Variants in SGMS1 observed in about 807,000 individuals in gnomAD.
The protein encoded by SGMS1 is phosphatidylcholine:ceramide cholinephosphotransferase 1.
SGMS1 carries 13 observed loss-of-function variants against 46.2 expected under a neutral mutation model. The ratio of observed to expected loss-of-function variants is 0.28; its 90% CI spans 0.18 to 0.45. The LOEUF is 0.45. SGMS1 is among the 20% of genes least tolerant of loss of function. SGMS1 has a pLI of 1.00. For missense variants in SGMS1, 324 were observed against 519.9 expected (o/e 0.62, Z 3.66); for synonymous variants, 203 against 187.8 (o/e 1.08, Z -0.66).
intron 3 of SGMS1, among the ~76,000 whole-genome samples, chr10:50,471,799 A>T (rs1467848739): frequency 6.6e-6 from 1 of 152,184 alleles, no homozygotes; most frequent in Non-Finnish European, 1.5e-5. Context: ...CCTCCAGTAG[A>T]GCATTACTAA....
chr10:50,384,654 T>C (rs1848656405), intron 6 of SGMS1, among the ~76,000 whole-genome samples: 1 of 152,130 alleles, frequency 6.6e-6, no homozygotes, highest in Non-Finnish European at 1.5e-5. Flanking sequence ...CTCACTCTGT[T>C]GCCCAGCCTG....
intron 3 of SGMS1, among the ~76,000 whole-genome samples, chr10:50,483,652 TC>T (rs1387601252): frequency 6.6e-6 from 1 of 151,918 alleles, no homozygotes; most frequent in African/African-American, 2.4e-5. Flanking sequence ...AGTAAAACAC[TC>T]CTCAGCAAAT....
At chr10:50,532,019 T>A (rs547550781) in intron 2 of SGMS1, among the ~76,000 whole-genome samples, 1 of 152,188 alleles carries the variant, frequency 6.6e-6, no homozygotes, top group Admixed American at 6.5e-5. Flanking sequence ...GGCCCTTGAA[T>A]AACACTGTTT....
chr10:50,469,461 G>T (rs1256342016), intron 3 of SGMS1, among the ~76,000 whole-genome samples: 13 of 152,134 alleles, frequency 8.5e-5, no homozygotes. Flanking sequence ...TTTTTCAGTG[G>T]ACATATGCCA....
intron 6 of SGMS1, among the ~76,000 whole-genome samples, chr10:50,429,348 T>C (rs141553531): frequency 6.0e-4 from 91 of 152,310 alleles, no homozygotes; most frequent in African/African-American, 2.1e-3. Flanking sequence ...CAACATGCTA[T>C]ACAGGTTTGC....
rs139371300 is a variant in SGMS1, at chr10:50,330,177, G to C, written c.624-2855C>G. ...GATCTAAAATTCTGAAGAAAGGTCA[G>C]GCATGGTGACTCACGCCTGTAATCC... On this transcript the variant is annotated intron_variant, in intron 7 of 10. Coordinates refer to ENST00000361781, the MANE Select transcript of SGMS1 (RefSeq NM_147156.4). Among the ~76,000 whole-genome samples the C allele has an allele frequency of 3.3e-4, 50 of 152,220 alleles. No homozygotes were observed. In the East Asian group the frequency reaches 8.5e-3, roughly 26 times the overall value.
At chr10:50,458,339 C>CTTT (rs750349777) in intron 5 of SGMS1, among the ~76,000 whole-genome samples, 6,236 of 96,276 alleles carry the variant, frequency 0.065, 464 homozygotes, top group Non-Finnish European at 0.088. Context: ...TTCTTTTTCT[C>CTTT]TTTTTTTTTT....
At chr10:50,373,914 T>C (rs1176314531) in intron 6 of SGMS1, among the ~76,000 whole-genome samples, 2 of 152,200 alleles carry the variant, frequency 1.3e-5, no homozygotes, top group Non-Finnish European at 2.9e-5. Flanking sequence ...ATCCACATAA[T>C]ATTAAGAAGC....
At chr10:50,309,241 T>C (rs1032838026) in intron 9 of SGMS1, among the ~76,000 whole-genome samples, 4 of 152,198 alleles carry the variant, frequency 2.6e-5, no homozygotes, top group Non-Finnish European at 5.9e-5. Context: ...TTGTATTTGA[T>C]ACCTTGACAA....
chr10:50,431,209 C>T (rs774187184), intron 6 of SGMS1, among the ~76,000 whole-genome samples: 13 of 152,154 alleles, frequency 8.5e-5, no homozygotes, highest in Admixed American at 2.6e-4. Flanking sequence ...ATTTTAACCA[C>T]GAGCTTCCTC....
chr10:50,512,534 T>C (rs1029673233), intron 3 of SGMS1, among the ~76,000 whole-genome samples: 4 of 152,142 alleles, frequency 2.6e-5, no homozygotes, highest in Non-Finnish European at 5.9e-5. Context: ...GGAGTCCCTC[T>C]GTGCACAAGG....
At chr10:50,579,247 A>T (rs1048474324) in intron 2 of SGMS1, among the ~76,000 whole-genome samples, 7 of 152,200 alleles carry the variant, frequency 4.6e-5, no homozygotes, top group Non-Finnish European at 8.8e-5. Context: ...AATACAGCTA[A>T]AAAGCAGATG....
At chr10:50,334,843 G>A (rs1034978874) in intron 7 of SGMS1, 5 of 152,260 alleles carry the variant, frequency 3.3e-5, no homozygotes, top group African/African-American at 1.2e-4. Context: ...AGTGCTAAAG[G>A]GTAAAACTAA....
chr10:50,624,470 G>T, upstream of SGMS1: 2 of 521,806 alleles, frequency 3.8e-6, no homozygotes, highest in Non-Finnish European at 4.9e-6. Flanking sequence ...TCTAACCATA[G>T]ACTCTCATCT....
rs779078414 is a variant in SGMS1 at position 50,470,356 on chromosome 10, C to T, written c.-497-3424G>A. ...TAAAGTAGAAAGTTTGTGTTTTCTT[C>T]CTTTATACAATGTTAGTGTTTTCTT... On this transcript the variant is annotated intron_variant, in intron 3 of 10. Transcript: ENST00000361781. 9.9e-5 allele frequency among the ~76,000 whole-genome samples: 15 copies of T among 152,136 alleles called. 1 individual carries two copies. In the South Asian group the frequency reaches 1.2e-3, roughly 13 times the overall value.
chr10:50,437,381 G>GA, intron 5 of SGMS1, among the ~76,000 whole-genome samples: 1 of 152,338 alleles, frequency 6.6e-6, no homozygotes, highest in African/African-American at 2.4e-5. Context: ...GGAAAATTCA[G>GA]AAATGTTAAC....
At chr10:50,327,134 C>T in intron 8 of SGMS1, 71 bp downstream of exon 8, 2 of 866,362 alleles carry the variant, frequency 2.3e-6, no homozygotes, top group South Asian at 1.5e-5. Context: ...TTTCCTGCAA[C>T]CTCACTCAAA....
At chr10:50,432,614 A>G (rs1849418529) in intron 6 of SGMS1, among the ~76,000 whole-genome samples, 1 of 152,238 alleles carries the variant, frequency 6.6e-6, no homozygotes. Context: ...TGAGCTGGCC[A>G]ATCTTTTGAG....
intron 6 of SGMS1, among the ~76,000 whole-genome samples, chr10:50,400,776 C>T (rs1848926473): frequency 6.6e-6 from 1 of 152,088 alleles, no homozygotes; most frequent in African/African-American, 2.4e-5. Context: ...ACTACCTGTT[C>T]AATATCAGTA....
Sources: allele counts gnomAD v4.1 joint callset (sites outside exome capture counted in the v4.1 genomes callset), GRCh38; gene constraint gnomAD v4.1.1; transcripts MANE v1.5; gene names NCBI Gene and HGNC (gene_info 2026-07-23, HGNC 2026-07-21).